FBXL13: variants seen among roughly 807,000 people sequenced by gnomAD.
FBXL13 encodes F-box and leucine-rich repeat protein 13.
Under a neutral mutation model 83.6 loss-of-function variants are expected in FBXL13, and 67 were observed. That is an observed-to-expected ratio of 0.80 (90% CI 0.66 to 0.98). The LOEUF (loss-of-function observed/expected upper bound fraction) is 0.98. Ranked by LOEUF, FBXL13 falls within the 50% of genes least tolerant of loss-of-function variation. The pLI, the probability that FBXL13 is intolerant of heterozygous loss-of-function variation, is 0.00. For synonymous variants in FBXL13, 272 were observed against 299.5 expected (o/e 0.91, Z 0.95); for missense variants, 822 against 866.5 (o/e 0.95, Z 0.64).
chr7:102,927,827 T>A (rs1818419830), intron 9 of FBXL13, among the ~76,000 whole-genome samples: 1 of 152,202 alleles, frequency 6.6e-6, no homozygotes, highest in East Asian at 1.9e-4. Context: ...CCAAAAAGAA[T>A]CTAGAGAATA....
In FBXL13 at chr7:102,860,194, T is replaced by C. The variant is rs921341533; in HGVS notation, c.1636-5334A>G. Reference sequence around the variant, plus strand: ...ACTTTCTCTCTCTGGGGAATATGAGTGGGTACATAAGTCACTATAATGAGG... The same window carrying C: ...ACTTTCTCTCTCTGGGGAATATGAGCGGGTACATAAGTCACTATAATGAGG... On this transcript the variant is annotated intron_variant, in intron 16 of 19. Transcript: ENST00000313221. Among the ~76,000 whole-genome samples the C allele has an allele frequency of 2.0e-5, 3 of 152,278 alleles. No individual in the cohort carries two copies. In the East Asian group the frequency reaches 5.8e-4, roughly 29 times the overall value.
chr7:102,963,758 A>G, intron 7 of FBXL13, 93 bp from the exon 9 acceptor site: 1 of 1,235,470 alleles, frequency 8.1e-7, no homozygotes. Context: ...ACCTAATTAA[A>G]CTAAAGAGCT....
intron 6 of FBXL13, among the ~76,000 whole-genome samples, chr7:103,012,123 C>T (rs1791701192): frequency 6.6e-6 from 1 of 152,132 alleles, no homozygotes; most frequent in Non-Finnish European, 1.5e-5. Flanking sequence ...CGCCTGTAAT[C>T]CCAGCACTTT....
intron 18 of FBXL13, among the ~76,000 whole-genome samples, chr7:102,826,385 G>C (rs1402151157): frequency 6.6e-6 from 1 of 151,972 alleles, no homozygotes; most frequent in African/African-American, 2.4e-5. Context: ...CCAAGTTTTT[G>C]CCCTAGCTTT....
intron 3 of FBXL13, 52 bp downstream of exon 4, chr7:103,029,299 T>A: frequency 8.8e-7 from 1 of 1,140,226 alleles, no homozygotes; most frequent in Non-Finnish European, 1.3e-6. Flanking sequence ...GCACGGAGAA[T>A]ATCAAGAATA....
At chr7:102,949,788 A>G (rs1356358791) in intron 8 of FBXL13, among the ~76,000 whole-genome samples, 1 of 152,212 alleles carries the variant, frequency 6.6e-6, no homozygotes, top group African/African-American at 2.4e-5. Context: ...ACAAACATAT[A>G]CATCCTATGT....
chr7:102,935,754 C>T (rs1585027445), intron 8 of FBXL13, among the ~76,000 whole-genome samples: 1 of 152,124 alleles, frequency 6.6e-6, no homozygotes, highest in Admixed American at 6.5e-5. Context: ...TGTTTCATTT[C>T]TGGCATGGTT....
intron 17 of FBXL13, among the ~76,000 whole-genome samples, chr7:102,845,243 A>G (rs1054609456): frequency 1.3e-4 from 20 of 152,162 alleles, no homozygotes; most frequent in African/African-American, 4.8e-4. Flanking sequence ...GAACTCACCA[A>G]GAGTCACCTC....
chr7:102,875,043 G>C (rs1171420519), intron 16 of FBXL13, among the ~76,000 whole-genome samples: 2 of 152,104 alleles, frequency 1.3e-5, no homozygotes, highest in African/African-American at 4.8e-5. Context: ...GTGCTGTGGG[G>C]GAATTATATT....
intron 16 of FBXL13, among the ~76,000 whole-genome samples, chr7:102,867,651 G>C (rs1807860642): frequency 7.4e-6 from 1 of 135,966 alleles, no homozygotes; most frequent in African/African-American, 2.9e-5. Context: ...TCTGAGCCAG[G>C]GAGTGATAGA....
intron 6 of FBXL13, among the ~76,000 whole-genome samples, chr7:103,021,398 A>C (rs1035255617): frequency 9.2e-5 from 14 of 152,218 alleles, no homozygotes; most frequent in African/African-American, 1.7e-4. Context: ...AAACCTAGGC[A>C]ATACCATTCA....
chr7:102,869,931 G>A (rs1344861180), intron 16 of FBXL13, among the ~76,000 whole-genome samples: 1 of 152,178 alleles, frequency 6.6e-6, no homozygotes, highest in African/African-American at 2.4e-5. Context: ...GGATGGAGAG[G>A]AGGCAGATGG....
chr7:102,835,227 T>G (rs1476177733), intron 17 of FBXL13, among the ~76,000 whole-genome samples: 1 of 152,130 alleles, frequency 6.6e-6, no homozygotes, highest in Non-Finnish European at 1.5e-5. Context: ...TGCATGAAAG[T>G]CTGTCTTGTC....
At chr7:102,934,685 G>A (rs1377414140) in intron 8 of FBXL13, 2 of 1,571,704 alleles carry the variant, frequency 1.3e-6, no homozygotes, top group Non-Finnish European at 1.7e-6. Context: ...CAAAAGGAAA[G>A]GTTTGTACTT....
At chr7:103,045,143 G>A (rs570079056) in intron 2 of FBXL13, among the ~76,000 whole-genome samples, 1 of 152,314 alleles carries the variant, frequency 6.6e-6, no homozygotes, top group East Asian at 1.9e-4. Context: ...AATTGGAAGT[G>A]AGGTACACAA....
At chr7:102,830,770 T>C (rs78081667) in intron 18 of FBXL13, among the ~76,000 whole-genome samples, 2,146 of 152,332 alleles carry the variant, frequency 0.014, 24 homozygotes, top group Non-Finnish European at 0.023. Context: ...CTTCAGTGTG[T>C]ACAATAGAAG....
chr7:102,955,995 T>C (rs1824204763), intron 8 of FBXL13, among the ~76,000 whole-genome samples: 1 of 152,006 alleles, frequency 6.6e-6, no homozygotes. Context: ...ACTATTCCAA[T>C]CAACAGAAAA....
chr7:102,832,729 C>A, intron 18 of FBXL13, 111 bp downstream of exon 19: 1 of 1,295,654 alleles, frequency 7.7e-7, no homozygotes, highest in South Asian at 2.3e-5. Flanking sequence ...CAATGAATAC[C>A]TCAACCATGG....
intron 11 of FBXL13, among the ~76,000 whole-genome samples, chr7:102,885,791 T>TTA (rs1259911868): frequency 6.6e-6 from 1 of 152,228 alleles, no homozygotes; most frequent in East Asian, 1.9e-4. Context: ...GTGTTAATTT[T>TTA]TATACATAGT....
Sources: gnomAD v4.1 joint callset for allele counts (sites outside exome capture counted in the v4.1 genomes callset) on GRCh38, gnomAD v4.1.1 for gene constraint, MANE v1.5 for transcripts, NCBI Gene and HGNC (gene_info 2026-07-23, HGNC 2026-07-21) for gene names.